ITSN1: variants seen among roughly 807,000 people sequenced by gnomAD.
ITSN1 encodes intersectin-1.
A neutral mutation model predicts 239.8 loss-of-function variants in ITSN1; 58 were observed. The ratio of observed to expected loss-of-function variants is 0.24; its 90% confidence interval spans 0.20 to 0.30. ITSN1 has a LOEUF of 0.30. ITSN1 is among the 10% of genes least tolerant of loss of function. The pLI, the probability that ITSN1 is intolerant of heterozygous loss-of-function variation, is 1.00. For missense variants in ITSN1, 1,558 were observed against 2,103.3 expected (o/e 0.74, Z 5.07); for synonymous variants, 780 against 770.8 (o/e 1.01, Z -0.20).
chr21:33,885,581 C>T (rs1028409265), intron 38 of ITSN1, 59 bp downstream of exon 38: 84 of 1,248,358 alleles, frequency 6.7e-5, no homozygotes, highest in Non-Finnish European at 9.4e-5. Context: ...GTCCGGGTTC[C>T]CCACACCCCC....
intron 19 of ITSN1, among the ~76,000 whole-genome samples, chr21:33,800,474 A>G (rs1329803481): frequency 2.0e-5 from 3 of 152,154 alleles, no homozygotes; most frequent in Non-Finnish European, 4.4e-5. Context: ...TAACTTTTGT[A>G]TCTTTGCATC....
At chr21:33,726,790 G>C (rs191510873) in intron 4 of ITSN1, among the ~76,000 whole-genome samples, 2 of 152,324 alleles carry the variant, frequency 1.3e-5, no homozygotes, top group East Asian at 3.9e-4. Flanking sequence ...CCAAAGTGCT[G>C]GGATTATAGG....
intron 2 of ITSN1, among the ~76,000 whole-genome samples, chr21:33,720,407 C>G (rs2065413545): frequency 6.6e-6 from 1 of 152,128 alleles, no homozygotes. Flanking sequence ...TGTATGTAAT[C>G]TAGAATTATT....
chr21:33,649,983 C>T (rs774946559), intron 1 of ITSN1, among the ~76,000 whole-genome samples: 36 of 149,348 alleles, frequency 2.4e-4, no homozygotes, highest in Admixed American at 1.4e-3. Flanking sequence ...GAGCTGACAT[C>T]GCACCATTAC....
At chr21:33,650,155 G>A (rs1169542391) in intron 1 of ITSN1, among the ~76,000 whole-genome samples, 1 of 152,110 alleles carries the variant, frequency 6.6e-6, no homozygotes, top group Non-Finnish European at 1.5e-5. Flanking sequence ...CAATGCTCTT[G>A]CTCCTCTGTT....
chr21:33,797,562 C>T lies in ITSN1; in HGVS notation c.2136C>T (p.His712=). Residue 712 remains histidine (H), a synonymous_variant, in exon 18 of 40, where the codon CAC becomes CAT. Transcript: ENST00000381318. This position sits in a 1 kb window ranked among gnomAD's most constrained non-coding sequence, Gnocchi z 4.9. The part of the protein sequence containing the change: ...QDKLGRLFHQ[H]QEPAKPAVQA... ...AGCTGGGTCGGCTTTTCCATCAACA[C>T]CAAGAACCAGCTAAGCCAGCTGTCC... 1 of 1,614,058 alleles carries T rather than the reference C, an allele frequency of 6.2e-7. No individual in the cohort carries two copies. The highest frequency in any genetic ancestry group is 8.5e-7 in the Non-Finnish European group (1 of 1,179,958).
At chr21:33,790,110 A>G (rs928419806) in intron 16 of ITSN1, among the ~76,000 whole-genome samples, 3 of 152,124 alleles carry the variant, frequency 2.0e-5, no homozygotes, top group Non-Finnish European at 4.4e-5. Flanking sequence ...TGAGACTAAT[A>G]AAAGCTGTGA....
At chr21:33,807,894 C>T (rs2072582732) in intron 20 of ITSN1, among the ~76,000 whole-genome samples, 1 of 152,182 alleles carries the variant, frequency 6.6e-6, no homozygotes, top group South Asian at 2.1e-4. Flanking sequence ...AAAGTCAAGA[C>T]CAGGCTTTTG....
Position 33,735,047 on chromosome 21 carries a change from A to G in ITSN1, c.189A>G (p.Ala63=), listed in dbSNP as rs143777464. The G allele has an allele frequency of 1.1e-4, 183 of 1,610,932 alleles. 2 individuals carry two copies. In the South Asian group the frequency reaches 1.3e-3, roughly 12 times the overall value. ...AGGCCATGCTGTTGGTTTGCAGGGC[A>G]CTAGCTGACATGAATAATGATGGAA... ...LPQPVLAQIW[A]LADMNNDGRM... The change falls in exon 5 of 40, where the codon GCA becomes GCG. Residue 63 remains alanine, a synonymous_variant. Transcript: ENST00000381318.
chr21:33,723,526 A>G (rs1460159026), intron 4 of ITSN1, among the ~76,000 whole-genome samples: 1 of 152,168 alleles, frequency 6.6e-6, no homozygotes, highest in African/African-American at 2.4e-5. Context: ...AGGCAGGAGA[A>G]TGATGTGAAC....
intron 22 of ITSN1, among the ~76,000 whole-genome samples, chr21:33,815,843 C>T (rs776768971): frequency 6.6e-5 from 10 of 151,774 alleles, no homozygotes; most frequent in African/African-American, 9.7e-5. Context: ...GGAGGGGCTG[C>T]GGAGTGTAGA....
chr21:33,718,926 A>G, intron 2 of ITSN1, 70 bp downstream of exon 2: 1 of 1,184,356 alleles, frequency 8.4e-7, no homozygotes, highest in Non-Finnish European at 1.2e-6. Flanking sequence ...TATTATGGCA[A>G]ATTTAAAATT....
At position 33,811,119 on chromosome 21, in the gene ITSN1, G is replaced by T. The variant is rs771280043; in HGVS notation, c.2464G>T (p.Ala822Ser). Residue 822 changes from alanine (A) to serine (S), a missense_variant, in exon 21 of 40, where the codon GCC becomes TCC. By Grantham distance (99) the Ala-to-Ser change is moderately conservative. Around this residue, in one of 2 missense-constraint regions of ITSN1, gnomAD observed 982 missense variants for 1,209.9 expected, o/e 0.81. Coordinates refer to ENST00000381318, the MANE Select transcript of ITSN1 (RefSeq NM_003024.3). ...GAAACCAGTGACTGATTCAACATCT[G>T]CCCCTGCCCCCAAACTGGCCTTGCG... ...PVKPVTDSTS[A>S]PAPKLALRET... The T allele has an allele frequency of 1.9e-6, 3 of 1,614,148 alleles. No homozygotes were observed. Among genetic ancestry groups the T allele is most frequent in the Non-Finnish European group, 2.5e-6 (3 of 1,180,018 alleles).
chr21:33,662,965 A>G (rs2089671957), intron 1 of ITSN1, among the ~76,000 whole-genome samples: 1 of 152,220 alleles, frequency 6.6e-6, no homozygotes, highest in South Asian at 2.1e-4. Flanking sequence ...TGAGTAGCTG[A>G]ACTTAAATAA....
intron 5 of ITSN1, among the ~76,000 whole-genome samples, chr21:33,744,920 A>G (rs2067089874): frequency 3.3e-5 from 5 of 152,260 alleles, no homozygotes; most frequent in Admixed American, 2.6e-4. Context: ...AAAGGGAAAG[A>G]ATCAGGCATT....
chr21:33,847,937 G>A (rs764748025), intron 29 of ITSN1, among the ~76,000 whole-genome samples: 2 of 152,196 alleles, frequency 1.3e-5, no homozygotes, highest in South Asian at 2.1e-4. Flanking sequence ...CAGCCAGTCC[G>A]GTTTAGTTGG....
rs1981761727 is a variant in ITSN1 at position 33,867,218 on chromosome 21, A to C, written c.4075-15A>C. On this transcript the variant is annotated splice_polypyrimidine_tract_variant and intron_variant, in intron 32 of 39. Coordinates refer to ENST00000381318, the MANE Select transcript of ITSN1 (RefSeq NM_003024.3). ...TGCAAGTTTCTTAAGTACATTTAAA[A>C]ACATCTCATTTCAGAGATTGGCAAT... 1 of 1,536,018 alleles carries C rather than the reference A, an allele frequency of 6.5e-7. No individual in the cohort carries two copies. Among genetic ancestry groups the C allele is most frequent in the Admixed American group, 1.7e-5 (1 of 59,822 alleles).
chr21:33,717,041 G>A (rs971854746), intron 1 of ITSN1, among the ~76,000 whole-genome samples: 1 of 150,906 alleles, frequency 6.6e-6, no homozygotes. Context: ...GAACAAGAAA[G>A]TGCTTTTGGA....
At chr21:33,842,601 C>T (rs1256037347) in intron 29 of ITSN1, among the ~76,000 whole-genome samples, 1 of 151,880 alleles carries the variant, frequency 6.6e-6, no homozygotes, top group Non-Finnish European at 1.5e-5. Flanking sequence ...GTAGGTCAAA[C>T]GGTGAGTTCA....
Sources: allele counts gnomAD v4.1 joint callset (sites outside exome capture counted in the v4.1 genomes callset), GRCh38; gene constraint gnomAD v4.1.1; regional missense constraint gnomAD v4.1.1; non-coding constraint Gnocchi (gnomAD v3.1); transcripts MANE v1.5; gene names NCBI Gene and HGNC (gene_info 2026-07-23, HGNC 2026-07-21).